CDH12: variants seen among roughly 807,000 people sequenced by gnomAD.
The protein encoded by CDH12 is cadherin-12.
Under a neutral mutation model 74.1 loss-of-function variants are expected in CDH12, and 41 were observed. The observed-to-expected ratio is 0.55, with a 90% confidence interval of 0.43 to 0.72. The LOEUF (loss-of-function observed/expected upper bound fraction) is 0.72. Ranked by LOEUF, CDH12 falls within the 30% of genes least tolerant of loss-of-function variation. The pLI, the probability that CDH12 is intolerant of heterozygous loss-of-function variation, is 0.00. For missense variants in CDH12, 945 were observed against 977.2 expected (o/e 0.97, Z 0.44); for synonymous variants, 399 against 355.0 (o/e 1.12, Z -1.39).
chr5:22,049,872 G>T (rs1740234051), intron 5 of CDH12, among the ~76,000 whole-genome samples: 1 of 151,974 alleles, frequency 6.6e-6, no homozygotes, highest in Admixed American at 6.6e-5. Flanking sequence ...ATCCATATTC[G>T]ATGTATGCCC....
intron 1 of CDH12, among the ~76,000 whole-genome samples, chr5:22,560,821 A>G (rs954593662): frequency 1.5e-4 from 23 of 152,160 alleles, no homozygotes; most frequent in African/African-American, 5.5e-4. Context: ...TGAAACTTCT[A>G]AGGATCAGAA....
intron 1 of CDH12, among the ~76,000 whole-genome samples, chr5:22,837,612 T>A (rs1205060532): frequency 1.3e-5 from 2 of 152,180 alleles, no homozygotes; most frequent in African/African-American, 2.4e-5. Context: ...GAGTAAAGGA[T>A]CACATCATAC....
In CDH12 at chr5:22,342,275, G is replaced by C. The variant is rs994346327; in HGVS notation, c.-333+62982C>G. 2.6e-5 allele frequency among the ~76,000 whole-genome samples: 4 copies of C among 152,228 alleles called. No homozygotes were observed. In the East Asian group the frequency reaches 5.8e-4, roughly 22 times the overall value. Reference sequence around the variant, plus strand: ...ACAAAAGCATTCAGTCCTTAGCAGAGAGAAATGAGGAAAGTGTTCTCAATA... The same window carrying C: ...ACAAAAGCATTCAGTCCTTAGCAGACAGAAATGAGGAAAGTGTTCTCAATA... On this transcript the variant is annotated intron_variant, in intron 3 of 14. Coordinates refer to ENST00000382254, the MANE Select transcript of CDH12 (RefSeq NM_004061.5).
At chr5:21,766,721 T>A (rs926376018) in intron 11 of CDH12, among the ~76,000 whole-genome samples, 3 of 152,104 alleles carry the variant, frequency 2.0e-5, no homozygotes, top group African/African-American at 7.2e-5. Flanking sequence ...AAACTAACTT[T>A]ACTTTTCTAA....
At chr5:22,606,254 G>T (rs558699034) in intron 1 of CDH12, among the ~76,000 whole-genome samples, 2 of 152,224 alleles carry the variant, frequency 1.3e-5, no homozygotes, top group South Asian at 4.2e-4. Context: ...TTGATCATGT[G>T]CTGTGAAGCA....
At chr5:22,342,406 T>C (rs918876494) in intron 3 of CDH12, among the ~76,000 whole-genome samples, 1 of 152,192 alleles carries the variant, frequency 6.6e-6, no homozygotes, top group Non-Finnish European at 1.5e-5. Flanking sequence ...CCAAATCTTG[T>C]AGGAACATAA....
intron 8 of CDH12, among the ~76,000 whole-genome samples, chr5:21,831,840 T>A (rs897559039): frequency 5.3e-5 from 8 of 152,150 alleles, no homozygotes; most frequent in Non-Finnish European, 8.8e-5. Context: ...ACAGGTTTTA[T>A]TCTGTCATAA....
At chr5:21,927,926 G>T (rs1466766453) in intron 6 of CDH12, among the ~76,000 whole-genome samples, 1 of 151,936 alleles carries the variant, frequency 6.6e-6, no homozygotes, top group Non-Finnish European at 1.5e-5. Flanking sequence ...AAAAAAATTA[G>T]CTGGGCTTGG....
At chr5:22,286,755 A>T (rs2150410584) in intron 3 of CDH12, among the ~76,000 whole-genome samples, 1 of 151,922 alleles carries the variant, frequency 6.6e-6, no homozygotes, top group South Asian at 2.1e-4. Flanking sequence ...AAAAATTTAG[A>T]CTGATATAGC....
rs547357325 is a variant in CDH12, at chr5:22,682,148, G to A, written c.-523+170910C>T. ...CTGGCACATATGTAATCTGGTTTACGCAATGTGCTAGAACTTGTTCAATAG... is the reference window on the plus strand; with the variant it reads ...CTGGCACATATGTAATCTGGTTTACACAATGTGCTAGAACTTGTTCAATAG... On this transcript the variant is annotated intron_variant, in intron 1 of 14. Coordinates refer to ENST00000382254, the MANE Select transcript of CDH12 (RefSeq NM_004061.5). 4.2e-4 allele frequency among the ~76,000 whole-genome samples: 64 copies of A among 152,116 alleles called. 1 individual carries two copies. The highest frequency in any genetic ancestry group is 1.4e-3 in the East Asian group (7 of 5,164).
intron 3 of CDH12, among the ~76,000 whole-genome samples, chr5:22,339,859 T>G (rs1739766233): frequency 6.6e-6 from 1 of 152,214 alleles, no homozygotes; most frequent in Admixed American, 6.5e-5. Flanking sequence ...AGATGTTACA[T>G]ATATACATAG....
chr5:22,677,323 G>T (rs2126923296), intron 1 of CDH12, among the ~76,000 whole-genome samples: 1 of 152,144 alleles, frequency 6.6e-6, no homozygotes, highest in East Asian at 1.9e-4. Flanking sequence ...TACAGAGCCT[G>T]GGAAGTCAAA....
intron 4 of CDH12, among the ~76,000 whole-genome samples, chr5:22,132,895 C>T (rs1285554365): frequency 6.6e-6 from 1 of 152,080 alleles, no homozygotes; most frequent in Non-Finnish European, 1.5e-5. Context: ...CATTGCCATG[C>T]TCCGTGTTTT....
At chr5:22,376,423 G>A (rs941926859) in intron 3 of CDH12, among the ~76,000 whole-genome samples, 2 of 152,130 alleles carry the variant, frequency 1.3e-5, no homozygotes, top group African/African-American at 4.8e-5. Context: ...ACAATGTAAT[G>A]TATATTTCAA....
chr5:22,736,061 G>A (rs767150712), intron 1 of CDH12, among the ~76,000 whole-genome samples: 1 of 151,694 alleles, frequency 6.6e-6, no homozygotes, highest in Non-Finnish European at 1.5e-5. Flanking sequence ...ATTACCTAAA[G>A]TATTTAAACA....
intron 3 of CDH12, among the ~76,000 whole-genome samples, chr5:22,381,920 AAT>A (rs1005645266): frequency 2.7e-5 from 4 of 149,698 alleles, no homozygotes; most frequent in African/African-American, 2.4e-5. Context: ...ATTTAATGGA[AAT>A]ATATATATAT....
intron 4 of CDH12, among the ~76,000 whole-genome samples, chr5:22,117,075 T>C (rs1745162043): frequency 6.6e-6 from 1 of 151,854 alleles, no homozygotes; most frequent in Non-Finnish European, 1.5e-5. Flanking sequence ...GGCCAGCCTC[T>C]GCTTTACTGG....
chr5:22,785,873 T>C (rs1747598046), intron 1 of CDH12, among the ~76,000 whole-genome samples: 4 of 151,932 alleles, frequency 2.6e-5, no homozygotes, highest in African/African-American at 9.7e-5. Flanking sequence ...TTTTAGGGGG[T>C]GTAAATTAGT....
intron 2 of CDH12, among the ~76,000 whole-genome samples, chr5:22,495,679 A>G (rs923012454): frequency 3.3e-5 from 5 of 152,238 alleles, no homozygotes; most frequent in African/African-American, 1.2e-4. Context: ...AATGTGAAGT[A>G]ATTCACAGCG....
Sources: allele counts gnomAD v4.1 joint callset (sites outside exome capture counted in the v4.1 genomes callset), GRCh38; gene constraint gnomAD v4.1.1; transcripts MANE v1.5; gene names NCBI Gene and HGNC (gene_info 2026-07-23, HGNC 2026-07-21).